TGFBI: variants seen among roughly 807,000 people sequenced by gnomAD.
The protein encoded by TGFBI is transforming growth factor-beta-induced protein ig-h3.
A neutral mutation model predicts 73.7 loss-of-function variants in TGFBI; 50 were observed. The observed-to-expected ratio is 0.68, with a 90% CI of 0.54 to 0.86. TGFBI has a LOEUF of 0.86. TGFBI is among the 40% of genes least tolerant of loss of function. The pLI is 0.00. For missense variants in TGFBI, 839 were observed against 877.0 expected (o/e 0.96, Z 0.55); for synonymous variants, 362 against 360.5 (o/e 1.00, Z -0.05).
rs762216519 is a variant in TGFBI, at chr5:136,054,070, T to A, written c.1254T>A (p.Ser418=). The A allele has an allele frequency of 3.7e-6, 6 of 1,613,778 alleles. No individual in the cohort carries two copies. In the South Asian group the frequency reaches 6.6e-5, roughly 18 times the overall value. ...TGACCCTCCTGGCTCCCCTGAATTC[T>A]GTATTCAAAGGTAACATGGGGAAGG... ...ERLTLLAPLN[S]VFKDGTPPID... The change falls in exon 9 of 17, where the codon TCT becomes TCA. Residue 418 remains serine (S), a synonymous_variant. Coordinates refer to ENST00000442011, the MANE Select transcript of TGFBI (RefSeq NM_000358.3).
At chr5:136,046,830 A>G in intron 4 of TGFBI, 21 bp from the exon 5 acceptor site, 1 of 1,607,806 alleles carries the variant, frequency 6.2e-7, no homozygotes, top group Non-Finnish European at 8.5e-7. Flanking sequence ...CCCCTAACTG[A>G]CACCCTGTCC....
intron 3 of TGFBI, 70 bp from the exon 4 acceptor site, chr5:136,046,265 C>A: frequency 1.9e-6 from 3 of 1,581,464 alleles, no homozygotes; most frequent in African/African-American, 2.7e-5. Context: ...TGCTCTCTGT[C>A]AGAGAAGGGA....
chr5:136,042,138 A>G (rs1751352116), intron 2 of TGFBI, among the ~76,000 whole-genome samples: 1 of 152,194 alleles, frequency 6.6e-6, no homozygotes, highest in African/African-American at 2.4e-5. Context: ...CAGCCCTGGA[A>G]TTTATCACAG....
chr5:136,040,327 C>T (rs535430760), intron 2 of TGFBI, among the ~76,000 whole-genome samples: 1 of 152,268 alleles, frequency 6.6e-6, no homozygotes, highest in East Asian at 1.9e-4. Context: ...AGTCTGTGAC[C>T]TGTTAGGAAC....
intron 9 of TGFBI, 36 bp downstream of exon 9, chr5:136,054,116 T>C (rs751312103): frequency 6.2e-7 from 1 of 1,600,466 alleles, no homozygotes; most frequent in East Asian, 2.2e-5. Flanking sequence ...AGATTGTCCC[T>C]GGAGGCAGCT....
intron 1 of TGFBI, among the ~76,000 whole-genome samples, chr5:136,031,461 C>G (rs866975893): frequency 2.6e-5 from 4 of 152,238 alleles, no homozygotes; most frequent in Admixed American, 1.3e-4. Context: ...CTTTTGCTTT[C>G]GACCTCACCA....
At chr5:136,062,614 G>A (rs1226346515) in intron 15 of TGFBI, 49 bp from the exon 16 acceptor site, 7 of 1,547,496 alleles carry the variant, frequency 4.5e-6, no homozygotes, top group South Asian at 2.4e-5. Context: ...ATAAGCAGTT[G>A]CAGGTATAAC....
chr5:136,055,954 AGACTTGG>A, intron 11 of TGFBI, 138 bp downstream of exon 11: 2 of 911,668 alleles, frequency 2.2e-6, no homozygotes, highest in Non-Finnish European at 3.0e-6. Flanking sequence ...GCGACCTTCC[AGACTTGG>A]GATGGGGAAA....
intron 2 of TGFBI, among the ~76,000 whole-genome samples, chr5:136,041,657 A>G (rs1248560635): frequency 6.6e-6 from 1 of 152,144 alleles, no homozygotes; most frequent in Non-Finnish European, 1.5e-5. Flanking sequence ...TTCTGATTCT[A>G]TCCTGAGTTA....
intron 6 of TGFBI, chr5:136,049,227 C>T (rs767034547): frequency 7.3e-5 from 40 of 551,544 alleles, no homozygotes; most frequent in Non-Finnish European, 1.1e-4. Context: ...AGGTTAAGGA[C>T]ATGAAAGATG....
chr5:136,038,125 T>C (rs1245152908), intron 2 of TGFBI, among the ~76,000 whole-genome samples: 1 of 152,210 alleles, frequency 6.6e-6, no homozygotes, highest in Non-Finnish European at 1.5e-5. Context: ...CAAACGCCTC[T>C]GTTGGGCAGT....
At chr5:136,036,970 GA>G (rs1470992004) in intron 2 of TGFBI, among the ~76,000 whole-genome samples, 1 of 152,138 alleles carries the variant, frequency 6.6e-6, no homozygotes, top group African/African-American at 2.4e-5. Context: ...GCATACAGGG[GA>G]ATACTTTGTG....
At chr5:136,039,644 G>A (rs954447552) in intron 2 of TGFBI, among the ~76,000 whole-genome samples, 9 of 152,218 alleles carry the variant, frequency 5.9e-5, no homozygotes, top group Admixed American at 1.3e-4. Context: ...TCAGCCTCCA[G>A]GAGTGCCCAA....
chr5:136,040,927 G>A (rs994480817), intron 2 of TGFBI, among the ~76,000 whole-genome samples: 3 of 152,340 alleles, frequency 2.0e-5, no homozygotes, highest in Admixed American at 2.0e-4. Context: ...GGGCCAGGGA[G>A]CATGGCACAC....
In TGFBI at chr5:136,061,699, T is replaced by G. The variant is rs186444814; in HGVS notation, c.1986+120T>G. ...TGCTCCCCAGGGCTCTCTTAAAACTTCTCCCCACTCCCACTGAGGCATCCT... is the reference window on the plus strand; with the variant it reads ...TGCTCCCCAGGGCTCTCTTAAAACTGCTCCCCACTCCCACTGAGGCATCCT... On this transcript the variant is annotated intron_variant, in intron 15 of 16. Coordinates refer to ENST00000442011, the MANE Select transcript of TGFBI (RefSeq NM_000358.3). The G allele has an allele frequency of 5.0e-4, 404 of 807,876 alleles. 3 individuals are homozygous for G. The African/African-American group carries it at 5.9e-3, about 12-fold the overall frequency. 50.0% of individuals were successfully genotyped at this position (807,876 alleles called of 1,614,324 possible).
chr5:136,059,000 A>G (rs1207353834), intron 12 of TGFBI, 90 bp from the exon 13 acceptor site: 2 of 1,494,822 alleles, frequency 1.3e-6, no homozygotes, highest in African/African-American at 1.4e-5. Flanking sequence ...TTCAGGGGTG[A>G]CCACTTACAT....
At chr5:136,038,405 A>G (rs1005690765) in intron 2 of TGFBI, among the ~76,000 whole-genome samples, 2 of 152,204 alleles carry the variant, frequency 1.3e-5, no homozygotes, top group African/African-American at 4.8e-5. Flanking sequence ...AGTCTAATAT[A>G]ATCATCAGGG....
rs4669 is a variant in TGFBI at position 136,056,737 on chromosome 5, T to C, written c.1620T>C (p.Phe540=). 483,033 of 1,613,520 alleles carry C rather than the reference T, an allele frequency of 0.3. 77,797 individuals carry two copies. The highest frequency in any genetic ancestry group is 0.63 in the African/African-American group (47,163 of 74,876). The change falls in exon 12 of 17, where the codon TTT becomes TTC. Residue 540 remains phenylalanine (F), a synonymous_variant. Coordinates refer to ENST00000442011, the MANE Select transcript of TGFBI (RefSeq NM_000358.3). ...ACCGGGAAGGAGTCTACACAGTCTT[T>C]GCTCCCACAAATGAAGCCTTCCGAG... The part of the protein sequence containing the change: ...TLNREGVYTV[F]APTNEAFRAL...
intron 6 of TGFBI, chr5:136,048,453 T>G (rs972236776): frequency 1.3e-5 from 2 of 152,264 alleles, no homozygotes; most frequent in African/African-American, 4.8e-5. Context: ...TGGGCCTATG[T>G]GCCAGGAGTA....
Sources: allele counts gnomAD v4.1 joint callset (sites outside exome capture counted in the v4.1 genomes callset), GRCh38; gene constraint gnomAD v4.1.1; transcripts MANE v1.5; gene names NCBI Gene and HGNC (gene_info 2026-07-23, HGNC 2026-07-21).